The following TRIM13 variants were observed in gnomAD, a reference collection of about 807,000 sequenced individuals.
TRIM13 encodes the protein tripartite motif containing 13.
Under a neutral mutation model 27.1 loss-of-function variants are expected in TRIM13, and 15 were observed. The observed-to-expected ratio is 0.55, with a 90% CI of 0.37 to 0.85. The LOEUF (loss-of-function observed/expected upper bound fraction) is 0.85. TRIM13 is among the 40% of genes least tolerant of loss of function. The pLI, the probability that TRIM13 is intolerant of heterozygous loss-of-function variation, is 0.00. For missense variants in TRIM13, 402 were observed against 472.2 expected (o/e 0.85, Z 1.38); for synonymous variants, 193 against 171.5 (o/e 1.13, Z -0.98).
In TRIM13 at chr13:50,012,819, T is replaced by C. The variant is rs1875820830; in HGVS notation, c.879T>C (p.Asp293=). The stretch of plus-strand genomic sequence containing the variant: ...AGTGGGAAGACATAAAACTAGTCGA[T>C]GTGGATAAACTTTCTTTGCCTCAAG... ...TSQWEDIKLV[D]VDKLSLPQDT... The change falls in exon 2 of 2, where the codon GAT becomes GAC. Residue 293 remains aspartate (D), a synonymous_variant. Transcript: ENST00000378182. 2 of 1,613,988 alleles carry C rather than the reference T, an allele frequency of 1.2e-6. No homozygotes were observed. The highest frequency in any genetic ancestry group is 1.7e-6 in the Non-Finnish European group (2 of 1,180,018).
intron 1 of TRIM13, among the ~76,000 whole-genome samples, chr13:50,007,345 G>C (rs1273933648): frequency 6.6e-6 from 1 of 151,194 alleles, no homozygotes; most frequent in East Asian, 1.9e-4. Flanking sequence ...AACAAAATTA[G>C]CCGGGCGTGG....
chr13:50,004,075 C>T (rs1465681057), intron 1 of TRIM13, among the ~76,000 whole-genome samples: 1 of 152,118 alleles, frequency 6.6e-6, no homozygotes, highest in Non-Finnish European at 1.5e-5. Flanking sequence ...ACTTGTTTGC[C>T]TTTATGTGCT....
rs1006642613 is a variant in TRIM13, at chr13:49,997,544, C to A, written c.-226C>A. ...AATACAAAGAGCTCCAGGCTCCTGG[C>A]GGTTCACCAGGTCTAAACAGCCGGG... On this transcript the variant is annotated 5_prime_UTR_variant, in exon 1 of 2. Coordinates refer to ENST00000378182, the MANE Select transcript of TRIM13 (RefSeq NM_213590.3). 1 of 152,086 alleles carries A rather than the reference C, an allele frequency of 6.6e-6. No individual in the cohort carries two copies. The highest frequency in any genetic ancestry group is 1.5e-5 in the Non-Finnish European group (1 of 68,036). 9.4% of individuals were successfully genotyped at this position (152,086 alleles called of 1,614,324 possible). A position where few individuals can be genotyped will look rare whatever the true frequency, so the allele number is the denominator to read the frequency against.
chr13:50,007,735 T>C (rs1874965605), intron 1 of TRIM13, among the ~76,000 whole-genome samples: 1 of 141,668 alleles, frequency 7.1e-6, no homozygotes, highest in Non-Finnish European at 1.5e-5. Flanking sequence ...TGAGCCAAGA[T>C]CACACCATTG....
intron 1 of TRIM13, among the ~76,000 whole-genome samples, chr13:50,009,731 C>T (rs1168570709): frequency 1.4e-4 from 11 of 76,364 alleles, no homozygotes; most frequent in African/African-American, 2.7e-4. Flanking sequence ...AGTCAGACTC[C>T]GTCTCAAAAA....
Position 50,012,279 on chromosome 13 carries a change from T to G in TRIM13, c.339T>G (p.Ile113Met). Residue 113 changes from isoleucine (I) to methionine (M), a missense_variant, in exon 2 of 2, where the codon ATT becomes ATG. Ile to Met is a conservative substitution (Grantham distance 10, BLOSUM62 1). Around this residue, in one of 2 missense-constraint regions of TRIM13, gnomAD observed 202 missense variants for 277.5 expected, o/e 0.73. Transcript: ENST00000378182. The part of the protein sequence containing the change: ...NIFCLTDMQL[I>M]CGICATRGEH... ...TCTGCCTGACTGATATGCAGCTGAT[T>G]TGTGGGATCTGTGCTACTCGTGGGG... The G allele has an allele frequency of 6.2e-7, 1 of 1,614,128 alleles. No homozygotes were observed. The highest frequency in any genetic ancestry group is 8.5e-7 in the Non-Finnish European group (1 of 1,179,998).
At position 50,017,063 on chromosome 13, in the gene TRIM13, A is replaced by C. The variant is rs754757944; in HGVS notation, c.*3899A>C. 6.0e-6 allele frequency: 1 copy of C among 167,008 alleles called. No homozygotes were observed. Among genetic ancestry groups the C allele is most frequent in the African/African-American group, 2.4e-5 (1 of 41,434 alleles). The allele number at this position is 167,008 out of a possible 1,614,324, so 10.3% of individuals were successfully genotyped here. ...TACATTTTATAACTTCCTGTCCTTCAAAAGAGTTTGAAATGTCATTTTGGG... is the reference window on the plus strand; with the variant it reads ...TACATTTTATAACTTCCTGTCCTTCCAAAGAGTTTGAAATGTCATTTTGGG... On this transcript the variant is annotated 3_prime_UTR_variant, in exon 2 of 2. Coordinates refer to ENST00000378182, the MANE Select transcript of TRIM13 (RefSeq NM_213590.3).
In TRIM13 at chr13:50,014,344, A is replaced by AAAAAAAAAAAAT. The variant is rs1555325057; in HGVS notation, c.*1181_*1182insAAAAAAAAAATA. 1 of 19,718 alleles carries AAAAAAAAAAAAT rather than the reference A, an allele frequency of 5.1e-5. No homozygotes were observed. The highest frequency in any genetic ancestry group is 8.3e-5 in the Non-Finnish European group (1 of 12,100). 1.2% of individuals were successfully genotyped at this position (19,718 alleles called of 1,614,324 possible). On this transcript the variant is annotated 3_prime_UTR_variant, in exon 2 of 2. Coordinates refer to ENST00000378182, the MANE Select transcript of TRIM13 (RefSeq NM_213590.3). ...AAAAAAAAAAAAAAAAAAAAAAAAA[A>AAAAAAAAAAAAT]ATATATATATATATATACACACACA... is the stretch of plus-strand genomic sequence containing the variant.
At chr13:50,011,155 C>T (rs187649401) in intron 1 of TRIM13, among the ~76,000 whole-genome samples, 1 of 152,346 alleles carries the variant, frequency 6.6e-6, no homozygotes, top group African/African-American at 2.4e-5. Context: ...ATTGCTTTTA[C>T]ACCATTGGTA....
At chr13:49,999,341 ATTGCG>A (rs1243519722) in intron 1 of TRIM13, among the ~76,000 whole-genome samples, 2 of 151,998 alleles carry the variant, frequency 1.3e-5, no homozygotes, top group African/African-American at 4.8e-5. Flanking sequence ...TACAAAATCG[ATTGCG>A]TTTCACCCCA....
At chr13:50,007,506 G>A (rs80182016) in intron 1 of TRIM13, among the ~76,000 whole-genome samples, 19 of 142,412 alleles carry the variant, frequency 1.3e-4, no homozygotes, top group East Asian at 4.2e-4. Flanking sequence ...AAAAAAAAAC[G>A]CCAGGCACGG....
At position 49,997,066 on chromosome 13, in the gene TRIM13, G is replaced by A. The variant is rs1873299343; in HGVS notation, c.-704G>A. On this transcript the variant is annotated 5_prime_UTR_variant, in exon 1 of 2. Coordinates refer to ENST00000378182, the MANE Select transcript of TRIM13 (RefSeq NM_213590.3). ...CGAGTCCATTTTGGGGCTGTGCTTGGCGCGTACCGTGCGGTCCCTGTAGTT... is the reference window on the plus strand; with the variant it reads ...CGAGTCCATTTTGGGGCTGTGCTTGACGCGTACCGTGCGGTCCCTGTAGTT... The A allele has an allele frequency of 6.8e-6, 1 of 147,160 alleles. No homozygotes were observed. Among genetic ancestry groups the A allele is most frequent in the Non-Finnish European group, 1.5e-5 (1 of 66,516 alleles). The allele number at this position is 147,160 out of a possible 1,614,324, so 9.1% of individuals were successfully genotyped here.
rs1413185166 is a variant in TRIM13, at chr13:50,013,119, A to G, written c.1179A>G (p.Val393=). ...GATTCAAGAATTTTACTTTGGTGGT[A>G]CTGAACAATGTGGCAGAATTTGTGT... ...NERFKNFTLV[V]LNNVAEFVCK... is the part of the protein sequence containing the mutation. Residue 393 remains valine (V), a synonymous_variant, in exon 2 of 2, where the codon GTA becomes GTG. Transcript: ENST00000378182. 3.1e-6 allele frequency: 5 copies of G among 1,606,998 alleles called. No homozygotes were observed. The East Asian group carries it at 8.9e-5, about 29-fold the overall frequency.
chr13:50,000,658 A>G (rs1873912704), intron 1 of TRIM13, among the ~76,000 whole-genome samples: 1 of 152,258 alleles, frequency 6.6e-6, no homozygotes, highest in Non-Finnish European at 1.5e-5. Context: ...ACATGCACGG[A>G]CACATGGGAT....
At chr13:50,010,766 T>C (rs548725664) in intron 1 of TRIM13, among the ~76,000 whole-genome samples, 11 of 152,320 alleles carry the variant, frequency 7.2e-5, no homozygotes, top group South Asian at 6.2e-4. Context: ...TCATTTTTTT[T>C]CCCCAGAAAA....
chr13:50,006,153 T>C (rs1457884023), intron 1 of TRIM13, among the ~76,000 whole-genome samples: 1 of 152,088 alleles, frequency 6.6e-6, no homozygotes, highest in Non-Finnish European at 1.5e-5. Context: ...ACTTTCCAAA[T>C]AGTATTTTTT....
chr13:50,013,309 G>T lies in TRIM13; in HGVS notation c.*145G>T. On this transcript the variant is annotated 3_prime_UTR_variant, in exon 2 of 2. Coordinates refer to ENST00000378182, the MANE Select transcript of TRIM13 (RefSeq NM_213590.3). Reference sequence around the variant, plus strand: ...AATAATCTATACATGTTCAAATTAGGTAGCATAAAGATAAAAGTGAAATTT... The same window carrying T: ...AATAATCTATACATGTTCAAATTAGTTAGCATAAAGATAAAAGTGAAATTT... The T allele has an allele frequency of 1.2e-6, 1 of 850,904 alleles. No homozygotes were observed. The highest frequency in any genetic ancestry group is 3.6e-5 in the Admixed American group (1 of 27,936). The allele number at this position is 850,904 out of a possible 1,614,324, so 52.7% of individuals were successfully genotyped here. A position where few individuals can be genotyped will look rare whatever the true frequency, so the allele number is the denominator to read the frequency against.
intron 1 of TRIM13, among the ~76,000 whole-genome samples, chr13:50,009,738 A>AT (rs1430755453): frequency 2.7e-5 from 2 of 74,322 alleles, no homozygotes; most frequent in East Asian, 5.3e-4. Flanking sequence ...CTCCGTCTCA[A>AT]AAAAAAAAAA....
chr13:50,003,869 A>G (rs1359539874), intron 1 of TRIM13, among the ~76,000 whole-genome samples: 1 of 152,226 alleles, frequency 6.6e-6, no homozygotes, highest in Non-Finnish European at 1.5e-5. Context: ...AAACATCAAT[A>G]TGGCAGGAGA....
Sources: allele counts gnomAD v4.1 joint callset (sites outside exome capture counted in the v4.1 genomes callset), GRCh38; gene constraint gnomAD v4.1.1; regional missense constraint gnomAD v4.1.1; transcripts MANE v1.5; gene names NCBI Gene and HGNC (gene_info 2026-07-23, HGNC 2026-07-21).